LRRIQ3: variants seen among roughly 807,000 people sequenced by gnomAD.
The protein encoded by LRRIQ3 is leucine rich repeats and IQ motif containing 3.
Under a neutral mutation model 59.3 loss-of-function variants are expected in LRRIQ3, and 75 were observed. The ratio of observed to expected loss-of-function variants is 1.26; its 90% CI spans 1.05 to 1.53. LRRIQ3 has a LOEUF of 1.53. Among genes scored for constraint, LRRIQ3 ranks in the 40% most tolerant of loss-of-function variants. The probability of loss-of-function intolerance (pLI) is 0.00; values close to 1 mark genes in which losing one functional copy is unlikely to be tolerated. For missense variants in LRRIQ3, 831 were observed against 710.0 expected, an observed-to-expected ratio of 1.17 and a Z score of -1.94; for synonymous variants, 250 against 231.3, an observed-to-expected ratio of 1.08 and a Z score of -0.73.
rs866235134 is a variant in LRRIQ3 at position 74,041,625 on chromosome 1, G to C, written c.1306C>G (p.His436Asp). ...GCTACAACTCTTACTTTTTCTTTAT[G>C]GTATTCCTGCTTCTTTTGTTCTGTG... ...YYTEQKKQEY[H>D]KEKVRVVAMA... The change falls in exon 7 of 8, where the codon CAT (histidine) becomes GAT (aspartate). Residue 436 changes from histidine (H) to aspartate (D), a missense_variant. His to Asp is a moderately conservative substitution (Grantham distance 81). Coordinates refer to ENST00000354431, the MANE Select transcript of LRRIQ3 (RefSeq NM_001105659.2). 1 of 1,613,480 alleles carries C rather than the reference G, an allele frequency of 6.2e-7. No individual in the cohort carries two copies.
intron 6 of LRRIQ3, among the ~76,000 whole-genome samples, chr1:74,069,286 AT>A (rs1654953291): frequency 2.0e-5 from 3 of 152,194 alleles, no homozygotes; most frequent in African/African-American, 7.2e-5. Flanking sequence ...AGGGTTAAAA[AT>A]CACTAACAGA....
intron 5 of LRRIQ3, among the ~76,000 whole-genome samples, chr1:74,084,630 T>A (rs1182051657): frequency 6.6e-6 from 1 of 151,722 alleles, no homozygotes; most frequent in East Asian, 1.9e-4. Flanking sequence ...TCTCTAGTAG[T>A]ATTATCAAGA....
intron 4 of LRRIQ3, among the ~76,000 whole-genome samples, chr1:74,133,737 G>A (rs956531987): frequency 2.0e-5 from 3 of 151,944 alleles, no homozygotes; most frequent in Admixed American, 1.3e-4. Context: ...GGGAGGGATA[G>A]CATTGGGAGA....
At chr1:74,088,401 A>T (rs1042500112) in intron 5 of LRRIQ3, among the ~76,000 whole-genome samples, 25 of 152,078 alleles carry the variant, frequency 1.6e-4, no homozygotes, top group African/African-American at 5.3e-4. Flanking sequence ...GATTCTTAAG[A>T]TTTTTTGTCC....
At chr1:74,071,576 A>G (rs1655030152) in intron 6 of LRRIQ3, among the ~76,000 whole-genome samples, 1 of 152,090 alleles carries the variant, frequency 6.6e-6, no homozygotes, top group African/African-American at 2.4e-5. Flanking sequence ...TCCTTGTTTC[A>G]TTTGAGTCTT....
At chr1:74,090,780 A>C (rs1028545545) in intron 5 of LRRIQ3, among the ~76,000 whole-genome samples, 2 of 151,866 alleles carry the variant, frequency 1.3e-5, no homozygotes, top group Admixed American at 1.3e-4. Flanking sequence ...TGTATTACCA[A>C]CTACTAGAGA....
chr1:74,182,818 T>C lies in LRRIQ3; in HGVS notation c.293A>G (p.Asn98Ser). ...PNTKFWNGLKNLKLLYLHDNG... is the reference protein window; with the variant it reads ...PNTKFWNGLKSLKLLYLHDNG... ...GTCATGAAGATAGAGTAGTTTTAGG[T>C]TCTTCAATCCATTCCAAAATTTGGT... Residue 98 changes from asparagine (N) to serine (S), a missense_variant, in exon 3 of 8, where the codon AAC becomes AGC. Transcript: ENST00000354431. 1 of 1,587,478 alleles carries C rather than the reference T, an allele frequency of 6.3e-7. No homozygotes were observed. Among genetic ancestry groups the C allele is most frequent in the Non-Finnish European group, 8.6e-7 (1 of 1,166,192 alleles).
chr1:74,046,977 T>C (rs1348103279), intron 6 of LRRIQ3, among the ~76,000 whole-genome samples: 1 of 152,080 alleles, frequency 6.6e-6, no homozygotes, highest in Non-Finnish European at 1.5e-5. Context: ...TGTGGGGAAA[T>C]AGGAATGCTT....
At chr1:74,029,811 G>C (rs1557584080) in intron 7 of LRRIQ3, among the ~76,000 whole-genome samples, 1 of 152,040 alleles carries the variant, frequency 6.6e-6, no homozygotes, top group East Asian at 1.9e-4. Context: ...GAATTCGGCT[G>C]TGAATCCATC....
rs574310481 is a variant in LRRIQ3, at chr1:74,198,009, C to T, written c.-14G>A. On this transcript the variant is annotated 5_prime_UTR_variant, in exon 1 of 8. Coordinates refer to ENST00000354431, the MANE Select transcript of LRRIQ3 (RefSeq NM_001105659.2). ...TGAACCACTCACCGGGTCAACTGGG[C>T]TGCAAGCCCTTATGAGTTGGAGACA... 145 of 584,960 alleles carry T rather than the reference C, an allele frequency of 2.5e-4. 2 individuals are homozygous for T. The South Asian group carries it at 4.2e-3, about 17-fold the overall frequency. The allele number at this position is 584,960 out of a possible 1,614,324, so 36.2% of individuals were successfully genotyped here. A position where few individuals can be genotyped will look rare whatever the true frequency, so the allele number is the denominator to read the frequency against.
At chr1:74,184,986 A>AT (rs1286948422) in intron 1 of LRRIQ3, among the ~76,000 whole-genome samples, 1 of 152,150 alleles carries the variant, frequency 6.6e-6, no homozygotes, top group South Asian at 2.1e-4. Context: ...AAAATAACTC[A>AT]TTTTTTAAAG....
At chr1:74,194,864 T>C (rs1651000005) in intron 1 of LRRIQ3, among the ~76,000 whole-genome samples, 1 of 152,220 alleles carries the variant, frequency 6.6e-6, no homozygotes, top group Non-Finnish European at 1.5e-5. Context: ...ATTACATTAA[T>C]TAAAATTTAA....
intron 5 of LRRIQ3, among the ~76,000 whole-genome samples, chr1:74,075,896 T>G (rs146775692): frequency 7.3e-4 from 111 of 152,176 alleles, no homozygotes; most frequent in African/African-American, 2.5e-3. Flanking sequence ...CAGTCAGAAG[T>G]TGGAGGAAAA....
At chr1:74,044,643 C>T (rs1557590847) in intron 6 of LRRIQ3, among the ~76,000 whole-genome samples, 1 of 151,906 alleles carries the variant, frequency 6.6e-6, no homozygotes, top group Non-Finnish European at 1.5e-5. Flanking sequence ...GACAGAGTCA[C>T]AAAAAACCCT....
intron 5 of LRRIQ3, chr1:74,082,947 T>TA (rs1221163430): frequency 6.6e-6 from 1 of 151,684 alleles, no homozygotes; most frequent in Non-Finnish European, 1.5e-5. Flanking sequence ...TCTTAAGTGT[T>TA]ACTTCATGTA....
intron 4 of LRRIQ3, among the ~76,000 whole-genome samples, chr1:74,124,611 G>A (rs1449299081): frequency 6.6e-6 from 1 of 151,786 alleles, no homozygotes; most frequent in Non-Finnish European, 1.5e-5. Context: ...ACTTACTGAA[G>A]AGACTGTCTT....
At chr1:74,121,594 T>A (rs1023435906) in intron 4 of LRRIQ3, among the ~76,000 whole-genome samples, 4 of 152,194 alleles carry the variant, frequency 2.6e-5, no homozygotes, top group African/African-American at 9.6e-5. Flanking sequence ...TCTGTTTTTT[T>A]AATTATACTT....
intron 7 of LRRIQ3, 132 bp downstream of exon 7, chr1:74,041,081 T>G: frequency 1.4e-6 from 1 of 732,926 alleles, no homozygotes; most frequent in Non-Finnish European, 2.1e-6. Flanking sequence ...TTATTTGTTC[T>G]TTGTTTTAAT....
At chr1:74,195,046 G>C (rs568673686) in intron 1 of LRRIQ3, among the ~76,000 whole-genome samples, 3 of 152,214 alleles carry the variant, frequency 2.0e-5, no homozygotes, top group East Asian at 3.9e-4. Flanking sequence ...TATAATAAAA[G>C]TTCAGGGGTG....
Sources: gnomAD v4.1 joint callset for allele counts (sites outside exome capture counted in the v4.1 genomes callset) on GRCh38, gnomAD v4.1.1 for gene constraint, MANE v1.5 for transcripts, NCBI Gene and HGNC (gene_info 2026-07-23, HGNC 2026-07-21) for gene names.